The following PTGFRN variants were observed in gnomAD, a reference collection of about 807,000 sequenced individuals.
PTGFRN encodes prostaglandin F2 receptor inhibitor, also known as prostaglandin F2 receptor negative regulator.
A neutral mutation model predicts 83.2 loss-of-function variants in PTGFRN; 35 were observed. The observed-to-expected ratio is 0.42, with a 90% CI of 0.32 to 0.56. The LOEUF is 0.56. PTGFRN is among the 20% of genes least tolerant of loss of function. The probability of loss-of-function intolerance (pLI) is 0.11; values close to 1 mark genes in which losing one functional copy is unlikely to be tolerated. For missense variants in PTGFRN, 1,051 were observed against 1,179.5 expected (o/e 0.89, Z 1.60); for synonymous variants, 519 against 498.6 (o/e 1.04, Z -0.55).
rs1169314689 is a variant in PTGFRN, at chr1:116,944,988, G to T, written c.728G>T (p.Gly243Val). The change falls in exon 3 of 9, where the codon GGC (glycine) becomes GTC (valine). Residue 243 changes from glycine (G) to valine (V), a missense_variant. Gly to Val is a moderately radical substitution (Grantham distance 109). Coordinates refer to ENST00000393203, the MANE Select transcript of PTGFRN (RefSeq NM_020440.4). ...TCCCGGGCTCTGTCTGCCGACCAGGGCTCCTACAGGTGTATCGTCAGCGAG... is the reference window on the plus strand; with the variant it reads ...TCCCGGGCTCTGTCTGCCGACCAGGTCTCCTACAGGTGTATCGTCAGCGAG... ...SVSRALSADQGSYRCIVSEWI... is the reference protein window; with the variant it reads ...SVSRALSADQVSYRCIVSEWI... The T allele has an allele frequency of 6.2e-7, 1 of 1,613,852 alleles. No homozygotes were observed. The highest frequency in any genetic ancestry group is 8.5e-7 in the Non-Finnish European group (1 of 1,180,026).
chr1:116,919,772 T>C (rs986581988), intron 1 of PTGFRN, among the ~76,000 whole-genome samples: 4 of 152,254 alleles, frequency 2.6e-5, no homozygotes, highest in Admixed American at 2.6e-4. Flanking sequence ...AGTCAAAATA[T>C]ATCTTTGAAA....
At chr1:116,949,062 C>G in intron 3 of PTGFRN, 130 bp from the exon 4 acceptor site, 2 of 1,144,972 alleles carry the variant, frequency 1.7e-6, no homozygotes, top group Non-Finnish European at 2.4e-6. Flanking sequence ...CAAGCACTTA[C>G]AACTGTACAA....
chr1:116,939,427 G>A (rs1650008436), intron 1 of PTGFRN, among the ~76,000 whole-genome samples: 1 of 152,264 alleles, frequency 6.6e-6, no homozygotes, highest in African/African-American at 2.4e-5. Flanking sequence ...CTTGGGGCTT[G>A]CACCCTCTGA....
chr1:116,982,084 A>C (rs1651336846), intron 7 of PTGFRN, among the ~76,000 whole-genome samples: 1 of 152,220 alleles, frequency 6.6e-6, no homozygotes, highest in Non-Finnish European at 1.5e-5. Flanking sequence ...TCCGAAGAGA[A>C]AGTGATGGTA....
Position 116,910,067 on chromosome 1 carries a change from C to A in PTGFRN, c.-137C>A. The A allele has an allele frequency of 1.0e-6, 1 of 964,120 alleles. No homozygotes were observed. The highest frequency in any genetic ancestry group is 1.4e-5 in the South Asian group (1 of 72,130). The allele number at this position is 964,120 out of a possible 1,614,324, so 59.7% of individuals were successfully genotyped here. A position where few individuals can be genotyped will look rare whatever the true frequency, so the allele number is the denominator to read the frequency against. On this transcript the variant is annotated 5_prime_UTR_variant, in exon 1 of 9. Transcript: ENST00000393203. ...ACGCCCCAGCGCTGGGATTTATCGGCTCGCGAGGAGAGCGGAGCAGGCGCG... is the reference window on the plus strand; with the variant it reads ...ACGCCCCAGCGCTGGGATTTATCGGATCGCGAGGAGAGCGGAGCAGGCGCG...
chr1:116,928,184 A>T (rs1215507469), intron 1 of PTGFRN, among the ~76,000 whole-genome samples: 31 of 152,224 alleles, frequency 2.0e-4, no homozygotes, highest in Non-Finnish European at 7.3e-5. Context: ...TGGAAAAAAT[A>T]ACAGACTTTG....
chr1:116,976,536 T>C (rs1257051717), intron 7 of PTGFRN, among the ~76,000 whole-genome samples: 2 of 152,168 alleles, frequency 1.3e-5, no homozygotes, highest in African/African-American at 2.4e-5. Flanking sequence ...TGGCAGAAAC[T>C]CTACAAGCCA....
intron 6 of PTGFRN, among the ~76,000 whole-genome samples, chr1:116,971,229 A>G (rs989800918): frequency 7.9e-5 from 12 of 152,108 alleles, no homozygotes; most frequent in Non-Finnish European, 1.6e-4. Context: ...ATTGTCACCA[A>G]TTCTAGGTAA....
intron 1 of PTGFRN, among the ~76,000 whole-genome samples, chr1:116,928,761 A>G (rs907918886): frequency 2.0e-5 from 3 of 152,172 alleles, no homozygotes; most frequent in Non-Finnish European, 4.4e-5. Context: ...GACAATAGAG[A>G]CCAAAGAAAC....
Position 116,974,329 on chromosome 1 carries a change from T to A in PTGFRN, c.2167+6T>A. 2 of 1,578,232 alleles carry A rather than the reference T, an allele frequency of 1.3e-6. No individual in the cohort carries two copies. Among genetic ancestry groups the A allele is most frequent in the Non-Finnish European group, 1.7e-6 (2 of 1,147,614 alleles). ...GGGAGCAGCACTGGATCCAGGTACC[T>A]CACTCCATCCTCACCCCTTCACCAT... is the stretch of plus-strand genomic sequence containing the variant. On this transcript the variant is annotated splice_donor_region_variant and intron_variant, in intron 7 of 8. Transcript: ENST00000393203.
At position 116,952,937 on chromosome 1, in the gene PTGFRN, A is replaced by G. The variant is rs975446038; in HGVS notation, c.1213+3365A>G. 2.0e-5 allele frequency among the ~76,000 whole-genome samples: 3 copies of G among 152,236 alleles called. No homozygotes were observed. Among genetic ancestry groups the G allele is most frequent in the East Asian group, 1.9e-4 (1 of 5,202 alleles). On this transcript the variant is annotated intron_variant, in intron 4 of 8. Coordinates refer to ENST00000393203, the MANE Select transcript of PTGFRN (RefSeq NM_020440.4). The surrounding 1 kb of genome is among the most constrained non-coding windows in gnomAD (Gnocchi z 4.0). ...ACAAATGATGCTTTGTGTTGATCCA[A>G]TTTAGTATATGTCTAAAACAGAGAA...
chr1:116,915,720 AAGGTG>A (rs1386684677), intron 1 of PTGFRN, among the ~76,000 whole-genome samples: 1 of 152,194 alleles, frequency 6.6e-6, no homozygotes, highest in Non-Finnish European at 1.5e-5. Context: ...GCAGTTAAAT[AAGGTG>A]TGTGCTTGTC....
intron 7 of PTGFRN, among the ~76,000 whole-genome samples, chr1:116,981,848 C>A (rs1327630370): frequency 6.6e-6 from 1 of 152,140 alleles, no homozygotes; most frequent in Non-Finnish European, 1.5e-5. Flanking sequence ...AATTTACTGA[C>A]CCCTGGACTA....
chr1:116,973,932 C>T (rs1202366115), intron 6 of PTGFRN, among the ~76,000 whole-genome samples: 4 of 152,166 alleles, frequency 2.6e-5, no homozygotes, highest in South Asian at 2.1e-4. Flanking sequence ...GGGTAGCTTT[C>T]GAATGAGGTC....
At chr1:116,976,520 A>G (rs776039861) in intron 7 of PTGFRN, among the ~76,000 whole-genome samples, 2 of 152,220 alleles carry the variant, frequency 1.3e-5, no homozygotes, top group African/African-American at 4.8e-5. Context: ...TTAACAGCGG[A>G]TCTCTTGGCA....
Position 116,931,274 on chromosome 1 carries a change from G to T in PTGFRN, c.50-10441G>T, listed in dbSNP as rs546210761. ...AAACACTTCTGGTCCCAAACGTTTTGAATAAAGGATATACAGCCTGTATGA... is the reference window on the plus strand; with the variant it reads ...AAACACTTCTGGTCCCAAACGTTTTTAATAAAGGATATACAGCCTGTATGA... On this transcript the variant is annotated intron_variant, in intron 1 of 8. Transcript: ENST00000393203. Among the ~76,000 whole-genome samples the T allele has an allele frequency of 5.9e-5, 9 of 152,234 alleles. No individual in the cohort carries two copies. The East Asian group carries it at 1.5e-3, about 26-fold the overall frequency.
At chr1:116,947,525 G>A (rs900153049) in intron 3 of PTGFRN, among the ~76,000 whole-genome samples, 2 of 152,240 alleles carry the variant, frequency 1.3e-5, no homozygotes, top group African/African-American at 4.8e-5. Flanking sequence ...CACTTGCACA[G>A]AGAAAATTAC....
intron 1 of PTGFRN, among the ~76,000 whole-genome samples, chr1:116,913,633 C>T (rs1361827683): frequency 2.6e-5 from 4 of 152,120 alleles, no homozygotes; most frequent in Non-Finnish European, 5.9e-5. Context: ...TGATTGTTTC[C>T]CCTGGGGGCA....
intron 1 of PTGFRN, among the ~76,000 whole-genome samples, chr1:116,913,732 T>G (rs1481169397): frequency 6.6e-6 from 1 of 152,224 alleles, no homozygotes; most frequent in Non-Finnish European, 1.5e-5. Context: ...ATTGGCTGAC[T>G]GAATACTTAC....
Sources: allele counts gnomAD v4.1 joint callset (sites outside exome capture counted in the v4.1 genomes callset), GRCh38; gene constraint gnomAD v4.1.1; non-coding constraint Gnocchi (gnomAD v3.1); transcripts MANE v1.5; gene names NCBI Gene and HGNC (gene_info 2026-07-23, HGNC 2026-07-21).